The following TEKTL1 variants were observed in gnomAD, a reference collection of about 807,000 sequenced individuals.
TEKTL1 encodes the protein tektin like 1, also known as tektin-like protein 1.
At chr19:15,022,009 C>G in the TEKTL1 span, 2,029 of 1,027,744 alleles carry the variant, frequency 2.0e-3, 30 homozygotes, top group African/African-American at 0.027. Context: ...TATGATCCCC[C>G]TCTCACCCAA....
chr19:15,012,369 G>A, the TEKTL1 span, among the ~76,000 whole-genome samples: 1 of 152,064 alleles, frequency 6.6e-6, no homozygotes, highest in Non-Finnish European at 1.5e-5. Context: ...TTTGAGGCCA[G>A]CCTGGACAAC....
the TEKTL1 span, chr19:15,020,677 T>C: frequency 6.3e-7 from 1 of 1,592,808 alleles, no homozygotes; most frequent in Non-Finnish European, 8.6e-7. Flanking sequence ...TCCACTGTAC[T>C]GGGTCGTATT....
At chr19:15,021,755 C>A in the TEKTL1 span, 1 of 1,611,572 alleles carries the variant, frequency 6.2e-7, no homozygotes, top group Non-Finnish European at 8.5e-7. Flanking sequence ...GGCAGGGGTG[C>A]CGGTGGCTGG....
the TEKTL1 span, chr19:15,022,734 T>C: frequency 3.4e-6 from 3 of 892,962 alleles, no homozygotes; most frequent in East Asian, 8.5e-5. Context: ...TTTTTTTTTT[T>C]CCAGGCACAC....
the TEKTL1 span, chr19:15,020,723 C>A: frequency 7.1e-7 from 1 of 1,403,504 alleles, no homozygotes; most frequent in Non-Finnish European, 9.8e-7. Flanking sequence ...GTCAGTGCAG[C>A]CCGTCGCCCA....
the TEKTL1 span, chr19:15,011,292 G>T: frequency 2.3e-3 from 3,562 of 1,522,350 alleles, 75 homozygotes; most frequent in African/African-American, 0.046. Context: ...CAGCTGCTGC[G>T]CCAGCGCGAG....
chr19:15,017,795 C>T, the TEKTL1 span, among the ~76,000 whole-genome samples: 1,592 of 152,266 alleles, frequency 0.01, 36 homozygotes, highest in African/African-American at 0.037. Flanking sequence ...TACTGCTCCC[C>T]TCACCCCACC....
chr19:15,020,552 T>C, the TEKTL1 span: 1 of 1,614,080 alleles, frequency 6.2e-7, no homozygotes, highest in South Asian at 1.1e-5. Flanking sequence ...GACAAGGTTC[T>C]GGAGCAGGCC....
chr19:15,023,040 AC>A, the TEKTL1 span: 1 of 1,612,392 alleles, frequency 6.2e-7, no homozygotes, highest in Non-Finnish European at 8.5e-7. Context: ...CACGTGTGCT[AC>A]GAGCAGGCGC....
the TEKTL1 span, chr19:15,011,328 T>A: frequency 6.7e-7 from 1 of 1,503,398 alleles, no homozygotes; most frequent in South Asian, 1.3e-5. Flanking sequence ...CTCAGCGAAG[T>A]GCGCAAGGGT....
At chr19:15,023,054 C>G in the TEKTL1 span, 3 of 1,611,522 alleles carry the variant, frequency 1.9e-6, no homozygotes, top group Non-Finnish European at 2.5e-6. Context: ...GCAGGCGCAG[C>G]GCCTGGTTAA....
the TEKTL1 span, chr19:15,013,721 A>G: frequency 6.2e-7 from 1 of 1,613,960 alleles, no homozygotes; most frequent in African/African-American, 1.3e-5. Flanking sequence ...GAGGAGCTGA[A>G]AAGCATGAAG....
chr19:15,016,080 G>A, the TEKTL1 span, among the ~76,000 whole-genome samples: 15 of 152,086 alleles, frequency 9.9e-5, no homozygotes, highest in Non-Finnish European at 1.5e-5. Flanking sequence ...GGGGGGTGGG[G>A]AGGAGGGGAG....
At chr19:15,014,732 G>GGGGC in the TEKTL1 span, among the ~76,000 whole-genome samples, 2 of 118,562 alleles carry the variant, frequency 1.7e-5, no homozygotes, top group East Asian at 2.9e-4. Flanking sequence ...GTGGGGGGGC[G>GGGGC]GGGGGCGGGG....
the TEKTL1 span, among the ~76,000 whole-genome samples, chr19:15,016,949 G>A: frequency 1.3e-5 from 2 of 152,218 alleles, no homozygotes; most frequent in Admixed American, 1.3e-4. Flanking sequence ...GCTCACATCT[G>A]TTATCCCAGC....
the TEKTL1 span, chr19:15,022,749 C>A: frequency 1.1e-6 from 1 of 932,212 alleles, no homozygotes; most frequent in Non-Finnish European, 1.5e-6. Flanking sequence ...GCACACCTGG[C>A]CCATTCAGAT....
chr19:15,020,613 G>A, the TEKTL1 span: 5 of 1,614,058 alleles, frequency 3.1e-6, no homozygotes, highest in South Asian at 2.2e-5. Flanking sequence ...CACGCACACA[G>A]GGTCAGAAAA....
chr19:15,019,830 A>C, the TEKTL1 span, among the ~76,000 whole-genome samples: 143 of 151,934 alleles, frequency 9.4e-4, no homozygotes, highest in African/African-American at 3.4e-3. Context: ...TTTACAAAAA[A>C]ATAAATAAAT....
chr19:15,021,447 G>T, the TEKTL1 span: 1 of 1,614,218 alleles, frequency 6.2e-7, no homozygotes, highest in African/African-American at 1.3e-5. Flanking sequence ...ACGTCCGGGA[G>T]CAACAGCTGC....
Sources: allele counts gnomAD v4.1 joint callset (sites outside exome capture counted in the v4.1 genomes callset), GRCh38; gene constraint gnomAD v4.1.1; transcripts MANE v1.5; gene names NCBI Gene and HGNC (gene_info 2026-07-23, HGNC 2026-07-21).